The following BMAL1 variants were observed in gnomAD, a reference collection of about 807,000 sequenced individuals.
BMAL1 encodes the protein basic helix-loop-helix ARNT-like protein 1.
the BMAL1 span, among the ~76,000 whole-genome samples, chr11:13,319,290 T>A: frequency 6.6e-6 from 1 of 152,268 alleles, no homozygotes; most frequent in Non-Finnish European, 1.5e-5. Flanking sequence ...GCCATTGCAG[T>A]CATTGCTGCT....
chr11:13,284,749 G>T, the BMAL1 span, among the ~76,000 whole-genome samples: 1 of 152,064 alleles, frequency 6.6e-6, no homozygotes, highest in Non-Finnish European at 1.5e-5. Flanking sequence ...CCAGTTTTCT[G>T]CTCTGCTCAA....
chr11:13,355,139 T>A, the BMAL1 span: 2 of 1,212,820 alleles, frequency 1.6e-6, no homozygotes, highest in Non-Finnish European at 1.2e-6. Flanking sequence ...CTTACCCAAA[T>A]GTCCATTTAA....
the BMAL1 span, chr11:13,369,645 C>A: frequency 2.5e-6 from 4 of 1,614,066 alleles, no homozygotes; most frequent in Middle Eastern, 1.7e-4. Flanking sequence ...ACAGATATAA[C>A]CCCTGGGCCA....
chr11:13,329,417 A>T, the BMAL1 span, among the ~76,000 whole-genome samples: 1 of 152,210 alleles, frequency 6.6e-6, no homozygotes, highest in Non-Finnish European at 1.5e-5. Context: ...GGCAGGAGCC[A>T]TGTCACAGGA....
At chr11:13,345,468 C>T in the BMAL1 span, among the ~76,000 whole-genome samples, 1 of 152,224 alleles carries the variant, frequency 6.6e-6, no homozygotes, top group Non-Finnish European at 1.5e-5. Context: ...GTTCCTGTAG[C>T]TTTCCTGACC....
At chr11:13,297,243 A>G in the BMAL1 span, among the ~76,000 whole-genome samples, 1 of 152,158 alleles carries the variant, frequency 6.6e-6, no homozygotes, top group Non-Finnish European at 1.5e-5. Flanking sequence ...TCCCTGTGCT[A>G]TGGAGGAAAG....
chr11:13,296,169 C>T, the BMAL1 span, among the ~76,000 whole-genome samples: 1 of 152,154 alleles, frequency 6.6e-6, no homozygotes, highest in Non-Finnish European at 1.5e-5. Flanking sequence ...GCTCTTTTGT[C>T]CCCTCCTTCT....
chr11:13,354,320 G>C, the BMAL1 span: 40 of 1,602,242 alleles, frequency 2.5e-5, no homozygotes, highest in Middle Eastern at 1.5e-3. Context: ...TGGCAGACCA[G>C]AGAATGGACA....
the BMAL1 span, chr11:13,387,195 A>G: frequency 2.6e-5 from 4 of 153,984 alleles, no homozygotes; most frequent in Non-Finnish European, 5.8e-5. Context: ...ATCCTTTACT[A>G]TAAATATGGG....
At chr11:13,370,581 T>C in the BMAL1 span, among the ~76,000 whole-genome samples, 1 of 152,174 alleles carries the variant, frequency 6.6e-6, no homozygotes, top group East Asian at 1.9e-4. Flanking sequence ...CCGTTAGTTA[T>C]GAAGTCCTGC....
chr11:13,331,177 G>A, the BMAL1 span, among the ~76,000 whole-genome samples: 1 of 152,212 alleles, frequency 6.6e-6, no homozygotes, highest in African/African-American at 2.4e-5. Context: ...CAGGCACGAA[G>A]ATGGCCAAAC....
At chr11:13,335,884 A>G in the BMAL1 span, among the ~76,000 whole-genome samples, 6 of 152,170 alleles carry the variant, frequency 3.9e-5, no homozygotes, top group East Asian at 1.2e-3. Flanking sequence ...AGGGCATTAT[A>G]TTGATTATTT....
chr11:13,361,616 C>T, the BMAL1 span, among the ~76,000 whole-genome samples: 7 of 152,052 alleles, frequency 4.6e-5, no homozygotes, highest in Non-Finnish European at 5.9e-5. Context: ...CTCCTCATGA[C>T]GTGCTATCTC....
At chr11:13,348,917 G>A in the BMAL1 span, among the ~76,000 whole-genome samples, 1 of 152,196 alleles carries the variant, frequency 6.6e-6, no homozygotes, top group African/African-American at 2.4e-5. Context: ...AATTTGAAAT[G>A]CCAAAATTTT....
the BMAL1 span, among the ~76,000 whole-genome samples, chr11:13,309,777 G>A: frequency 0.43 from 65,654 of 151,822 alleles, 14,267 homozygotes; most frequent in East Asian, 0.58. Flanking sequence ...TAGGCATGCC[G>A]CCACAGTTCC....
At chr11:13,372,359 A>G in the BMAL1 span, 1 of 1,614,040 alleles carries the variant, frequency 6.2e-7, no homozygotes, top group African/African-American at 1.3e-5. Context: ...AATCTATGGA[A>G]TATGTTTCTC....
the BMAL1 span, chr11:13,358,601 T>C: frequency 6.3e-7 from 1 of 1,580,584 alleles, no homozygotes; most frequent in East Asian, 2.3e-5. Context: ...GGTGAGACCC[T>C]GGGCTCTATT....
chr11:13,300,438 G>T, the BMAL1 span, among the ~76,000 whole-genome samples: 1 of 152,210 alleles, frequency 6.6e-6, no homozygotes, highest in Non-Finnish European at 1.5e-5. Context: ...AATCATCTAT[G>T]TTGGGGTTTT....
the BMAL1 span, chr11:13,381,170 G>T: frequency 1.9e-6 from 3 of 1,614,116 alleles, no homozygotes; most frequent in South Asian, 2.2e-5. Flanking sequence ...GGATAAGAGG[G>T]TCATCGCCTT....
Sources: gnomAD v4.1 joint callset for allele counts (sites outside exome capture counted in the v4.1 genomes callset) on GRCh38, gnomAD v4.1.1 for gene constraint, MANE v1.5 for transcripts, NCBI Gene and HGNC (gene_info 2026-07-23, HGNC 2026-07-21) for gene names.